ASIC2: variants seen among roughly 807,000 people sequenced by gnomAD.
ASIC2 encodes the protein acid-sensing ion channel 2.
A neutral mutation model predicts 57.3 loss-of-function variants in ASIC2; 25 were observed. That is an observed-to-expected ratio of 0.44 (90% CI 0.32 to 0.61). The LOEUF is 0.61. ASIC2 is among the 20% of genes least tolerant of loss of function. The pLI is 0.06. For synonymous variants in ASIC2, 319 were observed against 307.5 expected (o/e 1.04, Z -0.39); for missense variants, 641 against 738.1 (o/e 0.87, Z 1.52).
intron 1 of ASIC2, among the ~76,000 whole-genome samples, chr17:33,392,196 C>CTCCTTCCTTCCTTCCT (rs377322524): frequency 2.6e-5 from 1 of 37,792 alleles, no homozygotes; most frequent in Admixed American, 2.7e-4. Flanking sequence ...CCTTCCTTCC[C>CTCCTTCCTTCCTTCCT]TCCTTCCTTC....
intron 1 of ASIC2, among the ~76,000 whole-genome samples, chr17:33,127,025 G>A (rs906786446): frequency 6.7e-5 from 10 of 150,066 alleles, no homozygotes; most frequent in Admixed American, 4.6e-4. Context: ...CCGCCACCGC[G>A]CCCGGCTAAT....
chr17:33,558,017 A>G (rs1448139627), intron 1 of ASIC2, among the ~76,000 whole-genome samples: 3 of 151,820 alleles, frequency 2.0e-5, no homozygotes, highest in Non-Finnish European at 4.4e-5. Flanking sequence ...CATTTATAAT[A>G]TATATTTTAA....
intron 1 of ASIC2, among the ~76,000 whole-genome samples, chr17:33,674,671 A>G (rs1907753963): frequency 6.6e-6 from 1 of 152,228 alleles, no homozygotes; most frequent in African/African-American, 2.4e-5. Flanking sequence ...CTTGTAAGTT[A>G]TGGAATAAAT....
chr17:33,756,202 G>A (rs1420361630), intron 1 of ASIC2, among the ~76,000 whole-genome samples: 1 of 152,220 alleles, frequency 6.6e-6, no homozygotes, highest in Non-Finnish European at 1.5e-5. Flanking sequence ...GGTCATCAAT[G>A]TCTCCCCAGA....
At chr17:33,045,120 A>T (rs754396450) in intron 3 of ASIC2, among the ~76,000 whole-genome samples, 10 of 152,282 alleles carry the variant, frequency 6.6e-5, no homozygotes, top group Non-Finnish European at 1.3e-4. Flanking sequence ...ACACTGTACC[A>T]GCTGAGGGCC....
chr17:34,139,337 G>A (rs1912208022), intron 1 of ASIC2, among the ~76,000 whole-genome samples: 2 of 152,156 alleles, frequency 1.3e-5, no homozygotes. Flanking sequence ...CAAATTAAGT[G>A]ATACCACATG....
intron 1 of ASIC2, among the ~76,000 whole-genome samples, chr17:33,578,832 T>C (rs1032679162): frequency 1.3e-5 from 2 of 152,160 alleles, no homozygotes; most frequent in Non-Finnish European, 2.9e-5. Flanking sequence ...GGACTGTAAT[T>C]AAACTGTGGA....
intron 1 of ASIC2, among the ~76,000 whole-genome samples, chr17:33,995,893 CAA>C (rs1446479821): frequency 6.6e-6 from 1 of 152,142 alleles, no homozygotes; most frequent in Non-Finnish European, 1.5e-5. Flanking sequence ...ATTGCTGGAT[CAA>C]AAGAGTTAAT....
chr17:34,078,419 T>C (rs1412528743), intron 1 of ASIC2, among the ~76,000 whole-genome samples: 1 of 152,110 alleles, frequency 6.6e-6, no homozygotes, highest in Non-Finnish European at 1.5e-5. Context: ...AATATAACGA[T>C]GGATTGCTGT....
At chr17:33,660,053 C>A (rs958183598) in intron 1 of ASIC2, among the ~76,000 whole-genome samples, 58 of 152,016 alleles carry the variant, frequency 3.8e-4, no homozygotes, top group Non-Finnish European at 6.2e-4. Context: ...CACTGCACTC[C>A]AGCCTGGCGA....
intron 1 of ASIC2, among the ~76,000 whole-genome samples, chr17:33,799,424 TTTC>T (rs879355138): frequency 0.047 from 3,456 of 74,190 alleles, 81 homozygotes; most frequent in East Asian, 0.13. Flanking sequence ...TCTTTCTTTC[TTTC>T]TTCTTTCTTT....
At chr17:34,027,907 A>G (rs1273677487) in intron 1 of ASIC2, among the ~76,000 whole-genome samples, 2 of 152,192 alleles carry the variant, frequency 1.3e-5, no homozygotes, top group African/African-American at 2.4e-5. Flanking sequence ...GGGCCATGAC[A>G]TTGTGTCAGA....
At chr17:33,107,382 G>T (rs1002207226) in intron 2 of ASIC2, among the ~76,000 whole-genome samples, 3 of 152,194 alleles carry the variant, frequency 2.0e-5, no homozygotes, top group African/African-American at 7.2e-5. Flanking sequence ...TTCCTGCAAT[G>T]AATAAATGTG....
intron 1 of ASIC2, among the ~76,000 whole-genome samples, chr17:33,591,783 A>C (rs1473948693): frequency 6.6e-6 from 1 of 152,216 alleles, no homozygotes; most frequent in Non-Finnish European, 1.5e-5. Flanking sequence ...GATCAAGCTG[A>C]GAATGACTGT....
intron 1 of ASIC2, among the ~76,000 whole-genome samples, chr17:33,532,744 G>A (rs780848453): frequency 5.3e-5 from 8 of 152,102 alleles, no homozygotes; most frequent in South Asian, 2.1e-4. Context: ...GCCTTCTGCC[G>A]CCAGTCTTGC....
At chr17:33,120,101 C>T (rs2092295565) in intron 1 of ASIC2, among the ~76,000 whole-genome samples, 1 of 152,190 alleles carries the variant, frequency 6.6e-6, no homozygotes. Flanking sequence ...GAGTAGTTTG[C>T]CTGATTTTTC....
At chr17:33,256,660 C>T (rs923760240) in intron 1 of ASIC2, among the ~76,000 whole-genome samples, 3 of 152,136 alleles carry the variant, frequency 2.0e-5, no homozygotes, top group African/African-American at 7.2e-5. Context: ...GGCAAAACCC[C>T]ATCTCTACTA....
At chr17:33,216,817 G>A (rs1907506280) in intron 1 of ASIC2, among the ~76,000 whole-genome samples, 2 of 152,238 alleles carry the variant, frequency 1.3e-5, no homozygotes, top group African/African-American at 4.8e-5. Context: ...TCTGGCTGCA[G>A]AGTGGAAGTG....
At chr17:33,367,609 T>C (rs1232303817) in intron 1 of ASIC2, among the ~76,000 whole-genome samples, 4 of 152,198 alleles carry the variant, frequency 2.6e-5, no homozygotes, top group African/African-American at 9.7e-5. Context: ...GTACTCACTC[T>C]TTTTTTGTTT....
Sources: allele counts gnomAD v4.1 joint callset (sites outside exome capture counted in the v4.1 genomes callset), GRCh38; gene constraint gnomAD v4.1.1; transcripts MANE v1.5; gene names NCBI Gene and HGNC (gene_info 2026-07-23, HGNC 2026-07-21).